SOX13: variants seen among roughly 807,000 people sequenced by gnomAD.
SOX13 encodes SRY-box transcription factor 13, also known as transcription factor SOX-13.
SOX13 carries 28 observed loss-of-function variants against 71.8 expected under a neutral mutation model. The ratio of observed to expected loss-of-function variants is 0.39; its 90% CI spans 0.29 to 0.53. SOX13 has a LOEUF of 0.53. Among genes scored for constraint, SOX13 ranks in the 20% least tolerant of loss-of-function variants. The probability of loss-of-function intolerance (pLI) is 0.70; values close to 1 mark genes in which losing one functional copy is unlikely to be tolerated. For synonymous variants in SOX13, 309 were observed against 317.8 expected, an observed-to-expected ratio of 0.97 and a Z score of 0.29; for missense variants, 627 against 810.3, an observed-to-expected ratio of 0.77 and a Z score of 2.75.
At chr1:204,108,245 C>T (rs1656510709) in intron 1 of SOX13, among the ~76,000 whole-genome samples, 1 of 152,164 alleles carries the variant, frequency 6.6e-6, no homozygotes, top group Admixed American at 6.5e-5. Flanking sequence ...AATCAGTAAC[C>T]ATTACTAATG....
At chr1:204,106,580 CGT>C (rs1325365886) in intron 1 of SOX13, among the ~76,000 whole-genome samples, 2 of 147,492 alleles carry the variant, frequency 1.4e-5, no homozygotes, top group African/African-American at 5.1e-5. Context: ...AGTGCAGAGG[CGT>C]GATCTCAACT....
At chr1:204,089,493 G>A (rs1035062950) in intron 1 of SOX13, among the ~76,000 whole-genome samples, 4 of 152,230 alleles carry the variant, frequency 2.6e-5, no homozygotes, top group South Asian at 2.1e-4. Context: ...AGGCAGCGGG[G>A]CCTGGGGAGA....
At chr1:204,116,224 GCCTGGGGC>G in intron 4 of SOX13, 6 of 1,397,878 alleles carry the variant, frequency 4.3e-6, no homozygotes, top group Non-Finnish European at 5.7e-6. Context: ...CATTGAAGAG[GCCTGGGGC>G]TCTGGGGCTG....
intron 1 of SOX13, among the ~76,000 whole-genome samples, chr1:204,100,440 C>T (rs536789784): frequency 2.0e-5 from 3 of 152,210 alleles, no homozygotes; most frequent in South Asian, 2.1e-4. Context: ...TGATGGAAAG[C>T]GGGGTGCTGG....
intron 1 of SOX13, among the ~76,000 whole-genome samples, chr1:204,098,502 T>C (rs1656299490): frequency 6.6e-6 from 1 of 152,048 alleles, no homozygotes; most frequent in Admixed American, 6.6e-5. Context: ...TTGTTGTTGT[T>C]GTTGTTGTTG....
chr1:204,077,744 C>T (rs1289317778), intron 1 of SOX13, among the ~76,000 whole-genome samples: 1 of 152,132 alleles, frequency 6.6e-6, no homozygotes, highest in Non-Finnish European at 1.5e-5. Flanking sequence ...TAATTTCTTT[C>T]TTTATCTTCC....
chr1:204,093,639 G>A (rs1656190335), intron 1 of SOX13, among the ~76,000 whole-genome samples: 1 of 152,234 alleles, frequency 6.6e-6, no homozygotes, highest in South Asian at 2.1e-4. Flanking sequence ...GGTTAATTGG[G>A]ATTTGGAGTG....
intron 1 of SOX13, among the ~76,000 whole-genome samples, chr1:204,093,283 C>T (rs542800970): frequency 6.6e-6 from 1 of 151,884 alleles, no homozygotes; most frequent in South Asian, 2.1e-4. Context: ...TTTCTTCCCA[C>T]CTTAACTGGT....
At chr1:204,076,640 T>C (rs1655791053) in intron 1 of SOX13, among the ~76,000 whole-genome samples, 1 of 152,208 alleles carries the variant, frequency 6.6e-6, no homozygotes, top group African/African-American at 2.4e-5. Context: ...AGGGTGCTGC[T>C]GCCCAGCCAC....
Position 204,123,477 on chromosome 1 carries a change from C to G in SOX13, c.1232-184C>G, listed in dbSNP as rs1656853732. Among the ~76,000 whole-genome samples, 1 of 152,200 alleles carries G rather than the reference C, an allele frequency of 6.6e-6. No homozygotes were observed. The highest frequency in any genetic ancestry group is 1.5e-5 in the Non-Finnish European group (1 of 68,044). On this transcript the variant is annotated intron_variant, in intron 11 of 13. Transcript: ENST00000367204. The surrounding 1 kb of genome is among the most constrained non-coding windows in gnomAD (Gnocchi z 5.0). ...TCTGTCTCTGGTTCCCTGGCTGGGC[C>G]TCTGCGGATAATTTGCTGTTTCTTC... is the stretch of plus-strand genomic sequence containing the variant.
At chr1:204,093,823 G>A (rs568914632) in intron 1 of SOX13, among the ~76,000 whole-genome samples, 1 of 152,312 alleles carries the variant, frequency 6.6e-6, no homozygotes, top group South Asian at 2.1e-4. Context: ...TGATCACTCA[G>A]TAAATAGGCA....
At chr1:204,090,310 A>G (rs1656115052) in intron 1 of SOX13, among the ~76,000 whole-genome samples, 1 of 151,836 alleles carries the variant, frequency 6.6e-6, no homozygotes, top group Non-Finnish European at 1.5e-5. Flanking sequence ...TATCCTCCAC[A>G]CTGAGCTGAT....
In SOX13 at chr1:204,099,152, C is replaced by G. The variant is rs116061407; in HGVS notation, c.-1-13763C>G. On this transcript the variant is annotated intron_variant, in intron 1 of 13. Coordinates refer to ENST00000367204, the MANE Select transcript of SOX13 (RefSeq NM_005686.3). Reference sequence around the variant, plus strand: ...GAAGAGAAGCCAGTATAATCCAACACTTAAAAGAAGAGACTCATTAGCCAG... The same window carrying G: ...GAAGAGAAGCCAGTATAATCCAACAGTTAAAAGAAGAGACTCATTAGCCAG... Among the ~76,000 whole-genome samples, 904 of 152,286 alleles carry G rather than the reference C, an allele frequency of 5.9e-3. 10 individuals are homozygous for G. Among genetic ancestry groups the G allele is most frequent in the South Asian group, 0.031 (152 of 4,830 alleles).
intron 4 of SOX13, among the ~76,000 whole-genome samples, chr1:204,115,901 A>G (rs1163120824): frequency 6.6e-6 from 1 of 151,778 alleles, no homozygotes; most frequent in Non-Finnish European, 1.5e-5. Flanking sequence ...CCTGACCTCA[A>G]GTGATCCACC....
At chr1:204,106,013 C>T (rs771947279) in intron 1 of SOX13, among the ~76,000 whole-genome samples, 4 of 152,036 alleles carry the variant, frequency 2.6e-5, no homozygotes, top group Admixed American at 6.6e-5. Flanking sequence ...AAACCTCCTG[C>T]GGAGCCACAT....
At chr1:204,101,765 T>C (rs996735591) in intron 1 of SOX13, among the ~76,000 whole-genome samples, 1 of 152,140 alleles carries the variant, frequency 6.6e-6, no homozygotes, top group African/African-American at 2.4e-5. Flanking sequence ...GTCTCAAGTA[T>C]TCACTGGGCT....
chr1:204,085,376 G>A (rs145079459), intron 1 of SOX13, among the ~76,000 whole-genome samples: 9 of 152,328 alleles, frequency 5.9e-5, no homozygotes, highest in African/African-American at 9.6e-5. Flanking sequence ...ATGTAAAACT[G>A]CCCGACATAT....
chr1:204,092,263 T>C (rs1656162727), intron 1 of SOX13, among the ~76,000 whole-genome samples: 1 of 152,124 alleles, frequency 6.6e-6, no homozygotes. Context: ...TCTGCCTTGG[T>C]CTCCTGAAGC....
At chr1:204,102,299 C>T (rs920817286) in intron 1 of SOX13, among the ~76,000 whole-genome samples, 2 of 152,168 alleles carry the variant, frequency 1.3e-5, no homozygotes, top group Admixed American at 1.3e-4. Context: ...CCCTATGGTC[C>T]CCACCTTCCT....
Sources: gnomAD v4.1 joint callset for allele counts (sites outside exome capture counted in the v4.1 genomes callset) on GRCh38, gnomAD v4.1.1 for gene constraint, Gnocchi (gnomAD v3.1) non-coding constraint, MANE v1.5 for transcripts, NCBI Gene and HGNC (gene_info 2026-07-23, HGNC 2026-07-21) for gene names.